The following CDH4 variants were observed in gnomAD, a reference collection of about 807,000 sequenced individuals.
CDH4 encodes cadherin 4.
In CDH4, 33 loss-of-function variants were observed where a neutral mutation model predicts 86.0. The ratio of observed to expected loss-of-function variants is 0.38; its 90% CI spans 0.29 to 0.51. CDH4 has a LOEUF of 0.51. Ranked by LOEUF, CDH4 falls within the 20% of genes least tolerant of loss-of-function variation. The probability of loss-of-function intolerance (pLI) is 0.86; values close to 1 mark genes in which losing one functional copy is unlikely to be tolerated. For missense variants in CDH4, 1,114 were observed against 1,307.4 expected (o/e 0.85, Z 2.28); for synonymous variants, 555 against 549.4 (o/e 1.01, Z -0.14).
At chr20:61,327,958 A>C (rs529937562) in intron 2 of CDH4, among the ~76,000 whole-genome samples, 20 of 152,304 alleles carry the variant, frequency 1.3e-4, no homozygotes, top group African/African-American at 4.8e-4. Flanking sequence ...AACGTGAACA[A>C]AGCAAATTCA....
chr20:61,747,336 T>C (rs978959501), intron 3 of CDH4, among the ~76,000 whole-genome samples: 3 of 150,678 alleles, frequency 2.0e-5, no homozygotes, highest in African/African-American at 7.3e-5. Context: ...TAGTCCCAGA[T>C]CCTCGAGAAG....
chr20:61,361,809 G>A (rs963367745), intron 2 of CDH4, among the ~76,000 whole-genome samples: 4 of 152,200 alleles, frequency 2.6e-5, no homozygotes, highest in African/African-American at 9.6e-5. Context: ...CGGAACCCGG[G>A]GTGCCTGCCC....
chr20:61,788,567 T>C (rs114740078), intron 4 of CDH4, among the ~76,000 whole-genome samples: 8,309 of 152,260 alleles, frequency 0.055, 722 homozygotes, highest in African/African-American at 0.19. Flanking sequence ...GGAGACAGCC[T>C]GTGTGCCATC....
intron 2 of CDH4, among the ~76,000 whole-genome samples, chr20:61,578,402 G>C (rs1466068490): frequency 6.6e-6 from 1 of 152,206 alleles, no homozygotes; most frequent in Non-Finnish European, 1.5e-5. Context: ...GGATGTAGCT[G>C]TTGACTTTCT....
chr20:61,513,951 C>A (rs2085798578), intron 2 of CDH4, among the ~76,000 whole-genome samples: 1 of 152,200 alleles, frequency 6.6e-6, no homozygotes, highest in Non-Finnish European at 1.5e-5. Context: ...GAAAGGAGGG[C>A]ATTTATTTGC....
intron 2 of CDH4, among the ~76,000 whole-genome samples, chr20:61,305,126 G>C (rs2084409596): frequency 6.6e-6 from 1 of 152,068 alleles, no homozygotes; most frequent in African/African-American, 2.4e-5. Flanking sequence ...GGCCTGTATT[G>C]TGTGTGGGGA....
intron 2 of CDH4, among the ~76,000 whole-genome samples, chr20:61,643,430 T>A (rs1223333546): frequency 1.3e-5 from 2 of 152,116 alleles, no homozygotes; most frequent in East Asian, 1.9e-4. Context: ...CCGTGTAAGG[T>A]CACAAATTCA....
chr20:61,287,779 G>A (rs1445713876), intron 2 of CDH4, among the ~76,000 whole-genome samples: 1 of 152,198 alleles, frequency 6.6e-6, no homozygotes, highest in Non-Finnish European at 1.5e-5. Flanking sequence ...AGTGAGGCTT[G>A]TGCGTGAGTC....
intron 2 of CDH4, among the ~76,000 whole-genome samples, chr20:61,726,730 A>G (rs1329982090): frequency 6.6e-6 from 1 of 151,836 alleles, no homozygotes; most frequent in African/African-American, 2.4e-5. Flanking sequence ...CGCTGCCATC[A>G]TCACCATTGC....
chr20:61,707,555 G>A (rs2087845057), intron 2 of CDH4, among the ~76,000 whole-genome samples: 1 of 152,168 alleles, frequency 6.6e-6, no homozygotes, highest in Admixed American at 6.5e-5. Flanking sequence ...GGTGCATAGT[G>A]AAAATGTTAC....
At chr20:61,927,840 G>A (rs1344202145) in intron 11 of CDH4, among the ~76,000 whole-genome samples, 3 of 152,186 alleles carry the variant, frequency 2.0e-5, no homozygotes, top group South Asian at 2.1e-4. Flanking sequence ...GGGTGTGGCC[G>A]TGTGCTCTGC....
At chr20:61,936,678 C>G (rs1372499414) in intron 15 of CDH4, 59 bp from the exon 16 acceptor site, 5 of 1,394,200 alleles carry the variant, frequency 3.6e-6, no homozygotes, top group Non-Finnish European at 4.7e-6. Context: ...TCCGTTCCAT[C>G]TGATCCCGGG....
At chr20:61,391,436 C>A (rs1162594888) in intron 2 of CDH4, among the ~76,000 whole-genome samples, 1 of 152,148 alleles carries the variant, frequency 6.6e-6, no homozygotes, top group Middle Eastern at 3.2e-3. Context: ...ATGTCCACCA[C>A]CTGCGCCCTC....
At chr20:61,452,458 A>T (rs1036649020) in intron 2 of CDH4, among the ~76,000 whole-genome samples, 9 of 152,204 alleles carry the variant, frequency 5.9e-5, no homozygotes, top group African/African-American at 1.9e-4. Flanking sequence ...CAGAATAGCC[A>T]CGTTTTCGAT....
chr20:61,363,635 A>ATC (rs1231643328), intron 2 of CDH4, among the ~76,000 whole-genome samples: 4 of 152,206 alleles, frequency 2.6e-5, no homozygotes, highest in African/African-American at 9.6e-5. Context: ...AGGAGGAGTT[A>ATC]GTGTTCCTGA....
At chr20:61,588,301 A>T (rs1257541944) in intron 2 of CDH4, among the ~76,000 whole-genome samples, 1 of 152,216 alleles carries the variant, frequency 6.6e-6, no homozygotes, top group Non-Finnish European at 1.5e-5. Flanking sequence ...AGAACTAGGA[A>T]GGCGTAGGTC....
chr20:61,416,025 T>TTTTTTTC (rs2085145275), intron 2 of CDH4, among the ~76,000 whole-genome samples: 1 of 107,210 alleles, frequency 9.3e-6, no homozygotes, highest in African/African-American at 3.8e-5. Context: ...TTTTTTTTTT[T>TTTTTTTC]CCCCGAAACA....
chr20:61,865,833 G>A (rs182178092), intron 6 of CDH4, among the ~76,000 whole-genome samples: 1 of 151,492 alleles, frequency 6.6e-6, no homozygotes, highest in Non-Finnish European at 1.5e-5. Context: ...GCTGGTTTGT[G>A]TATATAATGG....
intron 2 of CDH4, among the ~76,000 whole-genome samples, chr20:61,549,929 C>T (rs1480369456): frequency 6.6e-6 from 1 of 152,198 alleles, no homozygotes; most frequent in Non-Finnish European, 1.5e-5. Flanking sequence ...AGTGAAGGTG[C>T]CAGCTGGTCC....
Sources: allele counts gnomAD v4.1 joint callset (sites outside exome capture counted in the v4.1 genomes callset), GRCh38; gene constraint gnomAD v4.1.1; transcripts MANE v1.5; gene names NCBI Gene and HGNC (gene_info 2026-07-23, HGNC 2026-07-21).